ZNF83: variants seen among roughly 807,000 people sequenced by gnomAD.
ZNF83 encodes the protein zinc finger protein 816B.
For missense variants in ZNF83, 552 were observed against 629.9 expected (o/e 0.88, Z 1.32); for synonymous variants, 209 against 213.0 (o/e 0.98, Z 0.17).
At chr19:52,613,122 T>C (rs1361566335) in exon 3 of ZNF83, 2 of 1,613,970 alleles carry the variant, frequency 1.2e-6, no homozygotes, top group Non-Finnish European at 1.7e-6. Context: ...AATGTTTCTC[T>C]CCAGTGTGGA....
exon 3 of ZNF83, chr19:52,613,580 T>C (rs1385865190): frequency 6.2e-7 from 1 of 1,613,678 alleles, no homozygotes; most frequent in Admixed American, 1.7e-5. Context: ...AGGGATGACT[T>C]GTGACTGAAG....
chr19:52,630,237 G>A (rs895833850), intron 2 of ZNF83, among the ~76,000 whole-genome samples: 5 of 152,200 alleles, frequency 3.3e-5, no homozygotes, highest in African/African-American at 9.7e-5. Context: ...TCTTGGCTTA[G>A]TGGCTGAAGA....
chr19:52,682,839 G>T (rs140349686), intron 1 of ZNF83, among the ~76,000 whole-genome samples: 1 of 152,112 alleles, frequency 6.6e-6, no homozygotes, highest in East Asian at 1.9e-4. Flanking sequence ...TTGTACTCCA[G>T]ACCTGGGCCA....
At chr19:52,659,993 C>T (rs2061558189) in intron 2 of ZNF83, among the ~76,000 whole-genome samples, 1 of 152,066 alleles carries the variant, frequency 6.6e-6, no homozygotes, top group Admixed American at 6.6e-5. Context: ...GAGTTCGAGA[C>T]CAGTCTGGCC....
intron 2 of ZNF83, chr19:52,617,735 A>G: frequency 2.3e-5 from 1 of 44,124 alleles, no homozygotes; most frequent in Non-Finnish European, 4.2e-5. Flanking sequence ...TCTCAAAAAA[A>G]AAAAAAAAAA....
intron 1 of ZNF83, among the ~76,000 whole-genome samples, chr19:52,684,080 A>C (rs2061973057): frequency 6.6e-6 from 1 of 152,114 alleles, no homozygotes; most frequent in African/African-American, 2.4e-5. Context: ...CTAAAAATAC[A>C]AAAATTGAGC....
intron 2 of ZNF83, among the ~76,000 whole-genome samples, chr19:52,627,883 C>T (rs1033864495): frequency 6.6e-6 from 1 of 152,060 alleles, no homozygotes; most frequent in African/African-American, 2.4e-5. Flanking sequence ...TAACTGATGA[C>T]ATTCCACCAC....
chr19:52,644,679 G>A (rs1487346282), intron 3 of ZNF83, among the ~76,000 whole-genome samples: 8 of 152,222 alleles, frequency 5.3e-5, no homozygotes, highest in African/African-American at 1.7e-4. Context: ...GTGAAAGAAG[G>A]TCAGCTGTAG....
chr19:52,689,110 A>G (rs985504683), intron 1 of ZNF83, among the ~76,000 whole-genome samples: 3 of 152,170 alleles, frequency 2.0e-5, no homozygotes, highest in Non-Finnish European at 2.9e-5. Flanking sequence ...GTCACAAGAT[A>G]TGTTATGCTA....
intron 1 of ZNF83, among the ~76,000 whole-genome samples, chr19:52,669,472 C>T (rs1461437287): frequency 6.6e-6 from 1 of 152,160 alleles, no homozygotes; most frequent in Non-Finnish European, 1.5e-5. Flanking sequence ...CAATTAGGGG[C>T]TACCAGCCAG....
At chr19:52,675,431 A>T (rs1346115832) in intron 1 of ZNF83, among the ~76,000 whole-genome samples, 1 of 152,192 alleles carries the variant, frequency 6.6e-6, no homozygotes, top group Non-Finnish European at 1.5e-5. Flanking sequence ...CTGAGCTGGG[A>T]CACAAGCGCT....
chr19:52,613,379 T>C (rs775653462), exon 3 of ZNF83: 1 of 1,613,720 alleles, frequency 6.2e-7, no homozygotes, highest in East Asian at 2.2e-5. Context: ...TTCTCTCCAG[T>C]ATGGATTCTG....
intron 3 of ZNF83, among the ~76,000 whole-genome samples, chr19:52,645,681 C>T (rs1212136005): frequency 6.6e-6 from 1 of 151,758 alleles, no homozygotes; most frequent in Non-Finnish European, 1.5e-5. Flanking sequence ...CTGACATATA[C>T]CTGTAGTGCC....
intron 1 of ZNF83, among the ~76,000 whole-genome samples, chr19:52,666,618 C>CAAA (rs59937542): frequency 9.5e-6 from 1 of 105,794 alleles, no homozygotes; most frequent in Admixed American, 1.0e-4. Context: ...TATCCTAAGT[C>CAAA]AAAAAAAAAA....
At chr19:52,624,766 A>G (rs1452601078) in intron 2 of ZNF83, among the ~76,000 whole-genome samples, 1 of 151,958 alleles carries the variant, frequency 6.6e-6, no homozygotes, top group Non-Finnish European at 1.5e-5. Flanking sequence ...AGCTACCACC[A>G]CCCTAATACT....
At chr19:52,625,502 C>T (rs2060705868) in intron 2 of ZNF83, among the ~76,000 whole-genome samples, 1 of 152,162 alleles carries the variant, frequency 6.6e-6, no homozygotes, top group Admixed American at 6.5e-5. Flanking sequence ...CACTGGAATT[C>T]CCCTGGGGAA....
chr19:52,671,753 T>G (rs1022688296), intron 1 of ZNF83, among the ~76,000 whole-genome samples: 2 of 152,164 alleles, frequency 1.3e-5, no homozygotes, highest in African/African-American at 4.8e-5. Context: ...TTGCAATCTA[T>G]TTTAGGTGTT....
At chr19:52,627,306 G>A (rs1041378698) in intron 2 of ZNF83, among the ~76,000 whole-genome samples, 3 of 151,930 alleles carry the variant, frequency 2.0e-5, no homozygotes, top group Non-Finnish European at 2.9e-5. Flanking sequence ...TCACACAGAC[G>A]AGCATGACAC....
intron 1 of ZNF83, among the ~76,000 whole-genome samples, chr19:52,686,408 A>C (rs180875705): frequency 2.6e-5 from 4 of 151,432 alleles, no homozygotes; most frequent in Non-Finnish European, 5.9e-5. Flanking sequence ...GTATTAAAAA[A>C]GATACTCTTA....
Sources: gnomAD v4.1 joint callset for allele counts (sites outside exome capture counted in the v4.1 genomes callset) on GRCh38, gnomAD v4.1.1 for gene constraint, MANE v1.5 for transcripts, NCBI Gene and HGNC (gene_info 2026-07-23, HGNC 2026-07-21) for gene names.